DDX4: variants seen among roughly 807,000 people sequenced by gnomAD.
DDX4 encodes DEAD-box helicase 4, also known as probable ATP-dependent RNA helicase DDX4.
A neutral mutation model predicts 100.0 loss-of-function variants in DDX4; 25 were observed. The observed-to-expected ratio is 0.25, with a 90% CI of 0.18 to 0.35. The LOEUF (loss-of-function observed/expected upper bound fraction) is 0.35, where lower values mean the gene tolerates loss of function less well. DDX4 is among the 10% of genes least tolerant of loss of function. The pLI, the probability that DDX4 is intolerant of heterozygous loss-of-function variation, is 1.00. For missense variants in DDX4, 635 were observed against 882.4 expected (o/e 0.72, Z 3.55); for synonymous variants, 259 against 275.7 (o/e 0.94, Z 0.60).
intron 11 of DDX4, 27 bp downstream of exon 11, chr5:55,785,371 G>T (rs1742180725): frequency 6.3e-7 from 1 of 1,593,026 alleles, no homozygotes; most frequent in South Asian, 1.1e-5. Flanking sequence ...CAAGGTGTTT[G>T]ATTTTTATAG....
At chr5:55,769,329 C>A (rs1386028977) in intron 7 of DDX4, among the ~76,000 whole-genome samples, 2 of 152,130 alleles carry the variant, frequency 1.3e-5, no homozygotes, top group East Asian at 3.9e-4. Context: ...CAATCTTCTG[C>A]ATATGGCTAG....
chr5:55,787,998 T>C lies in DDX4; in HGVS notation c.1170T>C (p.Phe390=). 6.2e-7 allele frequency: 1 copy of C among 1,613,038 alleles called. No homozygotes were observed. The change falls in exon 15 of 22, where the codon TTT becomes TTC. Residue 390 remains phenylalanine, a splice_region_variant and synonymous_variant. Coordinates refer to ENST00000505374, the MANE Select transcript of DDX4 (RefSeq NM_024415.3). The part of the protein sequence containing the change: ...QIYLEARKFS[F]GTCVRAVVIY... ...ATTTGGAAGCCAGAAAATTTTCTTTTGGGTAAGTACATCAGAGTGCTACTC... is the reference window on the plus strand; with the variant it reads ...ATTTGGAAGCCAGAAAATTTTCTTTCGGGTAAGTACATCAGAGTGCTACTC...
intron 12 of DDX4, 68 bp downstream of exon 12, chr5:55,785,562 T>A (rs944974478): frequency 2.2e-6 from 3 of 1,388,530 alleles, no homozygotes; most frequent in African/African-American, 1.5e-5. Context: ...GTATTTTACT[T>A]AAAAACAAAG....
At chr5:55,781,173 A>G (rs138837174) in intron 9 of DDX4, 27 bp downstream of exon 9, 207 of 1,545,950 alleles carry the variant, frequency 1.3e-4, no homozygotes, top group African/African-American at 1.1e-3. Flanking sequence ...ATTACTGAAT[A>G]TTAGTTACTG....
chr5:55,775,089 G>C (rs1213257715), intron 7 of DDX4, among the ~76,000 whole-genome samples: 1 of 152,026 alleles, frequency 6.6e-6, no homozygotes, highest in African/African-American at 2.4e-5. Flanking sequence ...GTCTATTTTA[G>C]GTATTTCATA....
chr5:55,776,776 A>G (rs1457658596), intron 7 of DDX4, among the ~76,000 whole-genome samples: 1 of 152,198 alleles, frequency 6.6e-6, no homozygotes, highest in African/African-American at 2.4e-5. Flanking sequence ...TAGTAAGACA[A>G]CTGATTGCAG....
intron 17 of DDX4, among the ~76,000 whole-genome samples, chr5:55,793,776 G>A (rs1447974298): frequency 1.3e-5 from 2 of 152,214 alleles, no homozygotes; most frequent in Non-Finnish European, 2.9e-5. Context: ...TTCATAAAGA[G>A]TTGCCTCCAA....
intron 18 of DDX4, among the ~76,000 whole-genome samples, chr5:55,799,998 T>C (rs967964076): frequency 2.0e-5 from 3 of 152,222 alleles, no homozygotes; most frequent in African/African-American, 7.2e-5. Flanking sequence ...ATAAAAACTT[T>C]TAAAAACCAA....
In DDX4 at chr5:55,738,932, T is replaced by C; in HGVS notation, c.-14-18T>C. 7.1e-7 allele frequency: 1 copy of C among 1,415,098 alleles called. No homozygotes were observed. The highest frequency in any genetic ancestry group is 1.0e-6 in the Non-Finnish European group (1 of 1,003,754). The allele number at this position is 1,415,098 out of a possible 1,614,324, so 87.7% of individuals were successfully genotyped here. A position where few individuals can be genotyped will look rare whatever the true frequency, so the allele number is the denominator to read the frequency against. On this transcript the variant is annotated intron_variant, in intron 1 of 21. Transcript: ENST00000505374. ...TCTAATTGAGTCCAAATGTGCATTT[T>C]TTTTTTTTTATGAATAGAACTTGAA... is the stretch of plus-strand genomic sequence containing the variant.
chr5:55,741,365 G>A (rs1286930754), intron 2 of DDX4, among the ~76,000 whole-genome samples: 1 of 152,202 alleles, frequency 6.6e-6, no homozygotes, highest in African/African-American at 2.4e-5. Context: ...AATTTGTAGT[G>A]TATCTTTTGC....
At chr5:55,781,872 G>A (rs2111984502) in intron 9 of DDX4, 62 bp from the exon 10 acceptor site, 2 of 1,575,998 alleles carry the variant, frequency 1.3e-6, no homozygotes, top group Non-Finnish European at 8.7e-7. Flanking sequence ...TAACAACATG[G>A]TTTGTGTGCT....
intron 18 of DDX4, among the ~76,000 whole-genome samples, chr5:55,809,066 T>A (rs1743945756): frequency 6.6e-6 from 1 of 152,242 alleles, no homozygotes; most frequent in African/African-American, 2.4e-5. Flanking sequence ...GATCTCAGAC[T>A]GCTGTGCTAG....
rs189443880 is a variant in DDX4, at chr5:55,786,798, G to A, written c.1017+128G>A. 3 of 713,104 alleles carry A rather than the reference G, an allele frequency of 4.2e-6. No homozygotes were observed. The East Asian group carries it at 7.6e-5, about 18-fold the overall frequency. 44.2% of individuals were successfully genotyped at this position (713,104 alleles called of 1,614,324 possible). ...CAGTTACCTGTCATAAGTATTGATG[G>A]TTTTGCTTCTGATTTTTATTAGGAT... On this transcript the variant is annotated intron_variant, in intron 14 of 21. Coordinates refer to ENST00000505374, the MANE Select transcript of DDX4 (RefSeq NM_024415.3).
chr5:55,788,345 G>A (rs565194523), intron 15 of DDX4, among the ~76,000 whole-genome samples: 19 of 152,170 alleles, frequency 1.2e-4, no homozygotes, highest in South Asian at 1.0e-3. Flanking sequence ...ATGTGGTGAT[G>A]CACACCTGTT....
At chr5:55,775,586 A>G (rs1741508171) in intron 7 of DDX4, among the ~76,000 whole-genome samples, 3 of 152,178 alleles carry the variant, frequency 2.0e-5, no homozygotes, top group African/African-American at 4.8e-5. Flanking sequence ...TCAGTGATAC[A>G]TATCATTTTA....
At chr5:55,785,011 C>A (rs1193746066) in intron 10 of DDX4, among the ~76,000 whole-genome samples, 1 of 152,186 alleles carries the variant, frequency 6.6e-6, no homozygotes, top group Non-Finnish European at 1.5e-5. Flanking sequence ...TGGGGACACC[C>A]CTCCAACACA....
At chr5:55,791,948 A>G (rs984615729) in intron 16 of DDX4, among the ~76,000 whole-genome samples, 2 of 151,920 alleles carry the variant, frequency 1.3e-5, no homozygotes, top group African/African-American at 2.4e-5. Context: ...CGTCTCTACT[A>G]AAAACACACA....
chr5:55,782,962 T>G (rs1314711078), intron 10 of DDX4, among the ~76,000 whole-genome samples: 2 of 151,710 alleles, frequency 1.3e-5, no homozygotes, highest in Non-Finnish European at 2.9e-5. Context: ...ACCTGGCTAA[T>G]TTTTGTATTT....
intron 19 of DDX4, 86 bp downstream of exon 19, chr5:55,813,858 T>C: frequency 2.9e-6 from 4 of 1,366,782 alleles, no homozygotes; most frequent in Admixed American, 2.9e-5. Context: ...TAATATGATA[T>C]AATCCTAGGA....
Sources: gnomAD v4.1 joint callset for allele counts (sites outside exome capture counted in the v4.1 genomes callset) on GRCh38, gnomAD v4.1.1 for gene constraint, MANE v1.5 for transcripts, NCBI Gene and HGNC (gene_info 2026-07-23, HGNC 2026-07-21) for gene names.